TMX4: variants seen among roughly 807,000 people sequenced by gnomAD.
The protein encoded by TMX4 is thioredoxin related transmembrane protein 4.
Under a neutral mutation model 33.3 loss-of-function variants are expected in TMX4, and 23 were observed. That is an observed-to-expected ratio of 0.69 (90% CI 0.50 to 0.98). The LOEUF (loss-of-function observed/expected upper bound fraction) is 0.98. Among genes scored for constraint, TMX4 ranks in the 50% least tolerant of loss-of-function variants. The pLI is 0.00. For synonymous variants in TMX4, 164 were observed against 161.5 expected (o/e 1.02, Z -0.12); for missense variants, 399 against 448.9 (o/e 0.89, Z 1.01).
At chr20:8,015,631 T>C (rs1179933912) in intron 1 of TMX4, among the ~76,000 whole-genome samples, 1 of 152,182 alleles carries the variant, frequency 6.6e-6, no homozygotes, top group Non-Finnish European at 1.5e-5. Flanking sequence ...TAGTGAGTTG[T>C]CTCTCAAACA....
chr20:8,014,547 C>T (rs558185149), intron 1 of TMX4, among the ~76,000 whole-genome samples: 38 of 152,124 alleles, frequency 2.5e-4, no homozygotes, highest in Middle Eastern at 6.8e-3. Context: ...TACTTAAAAG[C>T]TTATAATAGA....
At chr20:8,007,171 A>C (rs1282629566) in intron 2 of TMX4, among the ~76,000 whole-genome samples, 1 of 152,180 alleles carries the variant, frequency 6.6e-6, no homozygotes, top group Non-Finnish European at 1.5e-5. Flanking sequence ...TGCCAAGTAT[A>C]TTGATGGTCC....
At chr20:7,997,339 C>T (rs2050680766) in intron 4 of TMX4, among the ~76,000 whole-genome samples, 1 of 152,058 alleles carries the variant, frequency 6.6e-6, no homozygotes, top group African/African-American at 2.4e-5. Flanking sequence ...ATCGTATGTT[C>T]AATTTGTGAG....
At chr20:7,985,716 T>A (rs1451020548) in intron 6 of TMX4, among the ~76,000 whole-genome samples, 1 of 152,212 alleles carries the variant, frequency 6.6e-6, no homozygotes, top group African/African-American at 2.4e-5. Context: ...TTTTGTTAAA[T>A]AAAGTTATTT....
At chr20:7,991,345 C>G (rs759876604) in intron 5 of TMX4, among the ~76,000 whole-genome samples, 3 of 152,220 alleles carry the variant, frequency 2.0e-5, no homozygotes, top group Non-Finnish European at 4.4e-5. Context: ...CATTTAAATG[C>G]TAAACTTAGT....
intron 4 of TMX4, among the ~76,000 whole-genome samples, chr20:7,998,070 G>T (rs545627112): frequency 1.3e-5 from 2 of 152,142 alleles, no homozygotes; most frequent in East Asian, 3.9e-4. Flanking sequence ...GTTTCCTGAA[G>T]CCTCCCCAGA....
chr20:7,990,838 G>C (rs1162317816), intron 5 of TMX4, among the ~76,000 whole-genome samples: 1 of 152,110 alleles, frequency 6.6e-6, no homozygotes, highest in East Asian at 1.9e-4. Flanking sequence ...GATGGCCAAG[G>C]GTTCACCTCT....
rs750698808 is a variant in TMX4 at position 7,996,074 on chromosome 20, TA to T, written c.468-4del. On this transcript the variant is annotated splice_region_variant and splice_polypyrimidine_tract_variant and intron_variant, in intron 4 of 7. Coordinates refer to ENST00000246024, the MANE Select transcript of TMX4 (RefSeq NM_021156.4). The stretch of plus-strand genomic sequence containing the variant: ...AAAGACCAGCCATTCCAGACATCCT[TA>T]AAAAAAAATAAAGAGAAGAAACAGT... 1.7e-4 allele frequency: 259 copies of T among 1,540,960 alleles called. No individual in the cohort carries two copies. The highest frequency in any genetic ancestry group is 3.9e-4 in the South Asian group (33 of 85,672).
In TMX4 at chr20:8,019,618, G is replaced by A; in HGVS notation, c.-5C>T. ...GCCGCAGCGCCCACCCGCCATGTTG[G>A]GCGCCGAGCGAGGCTTCTCGGCGGG... On this transcript the variant is annotated 5_prime_UTR_variant, in exon 1 of 8. Transcript: ENST00000246024. 1 of 1,339,638 alleles carries A rather than the reference G, an allele frequency of 7.5e-7. No homozygotes were observed. The highest frequency in any genetic ancestry group is 1.5e-5 in the African/African-American group (1 of 64,780). The allele number at this position is 1,339,638 out of a possible 1,614,324, so 83.0% of individuals were successfully genotyped here. A position where few individuals can be genotyped will look rare whatever the true frequency, so the allele number is the denominator to read the frequency against.
intron 1 of TMX4, among the ~76,000 whole-genome samples, chr20:8,011,434 C>A (rs906811033): frequency 6.6e-6 from 1 of 151,054 alleles, no homozygotes. Flanking sequence ...CAAATCCCTT[C>A]AAAATTCTGA....
intron 1 of TMX4, among the ~76,000 whole-genome samples, chr20:8,014,209 A>G (rs1336250669): frequency 6.6e-6 from 1 of 152,248 alleles, no homozygotes; most frequent in African/African-American, 2.4e-5. Flanking sequence ...AGTGGAATTC[A>G]TGACTTTCAC....
chr20:8,011,299 T>C (rs1353278322), intron 1 of TMX4, among the ~76,000 whole-genome samples: 1 of 151,732 alleles, frequency 6.6e-6, no homozygotes, highest in African/African-American at 2.4e-5. Flanking sequence ...TGCCTGCCAA[T>C]AGAATATAAC....
intron 1 of TMX4, 21 bp downstream of exon 1, chr20:8,019,416 CG>C (rs1368616472): frequency 1.3e-6 from 2 of 1,511,334 alleles, no homozygotes; most frequent in Non-Finnish European, 1.8e-6. Flanking sequence ...CTGCGGCGTC[CG>C]GGGCGGGCGG....
chr20:7,978,599 T>C lies in TMX4; in HGVS notation c.*3652A>G, dbSNP rs949680998. On this transcript the variant is annotated 3_prime_UTR_variant, in exon 8 of 8. Coordinates refer to ENST00000246024, the MANE Select transcript of TMX4 (RefSeq NM_021156.4). ...CAAAAGCCAACTCAGCTGAAGCTTA[T>C]CTATTTTCTACTACAGTAGTTATTT... 2.6e-5 allele frequency: 4 copies of C among 152,218 alleles called. No homozygotes were observed. The highest frequency in any genetic ancestry group is 2.9e-5 in the Non-Finnish European group (2 of 68,042). 9.4% of individuals were successfully genotyped at this position (152,218 alleles called of 1,614,324 possible).
chr20:8,010,406 A>C, intron 1 of TMX4, 91 bp from the exon 2 acceptor site: 2 of 811,742 alleles, frequency 2.5e-6, no homozygotes, highest in Non-Finnish European at 3.4e-6. Context: ...AAAATAAATT[A>C]TTAAAAAAGG....
chr20:7,993,734 T>C (rs955262420), intron 5 of TMX4, among the ~76,000 whole-genome samples: 2 of 152,030 alleles, frequency 1.3e-5, no homozygotes, highest in Non-Finnish European at 2.9e-5. Flanking sequence ...GGAGGCTACA[T>C]GCTGATATGG....
At position 7,982,190 on chromosome 20, in the gene TMX4, C is replaced by T; in HGVS notation, c.*61G>A. ...AAAATTAAGGATTTGGTACAAACTG[C>T]AGGCCAAAGGGAAGCTGACATATTG... On this transcript the variant is annotated 3_prime_UTR_variant, in exon 8 of 8. Transcript: ENST00000246024. 6.6e-7 allele frequency: 1 copy of T among 1,521,396 alleles called. No individual in the cohort carries two copies. The highest frequency in any genetic ancestry group is 8.9e-7 in the Non-Finnish European group (1 of 1,129,160). The allele number at this position is 1,521,396 out of a possible 1,614,324, so 94.2% of individuals were successfully genotyped here.
At chr20:8,019,206 C>A in intron 1 of TMX4, 1 of 529,716 alleles carries the variant, frequency 1.9e-6, no homozygotes, top group Non-Finnish European at 3.2e-6. Flanking sequence ...AGCGGCCGGG[C>A]CCCACAGCCG....
chr20:8,010,320 A>G lies in TMX4; in HGVS notation c.177-5T>C. 2 of 1,592,558 alleles carry G rather than the reference A, an allele frequency of 1.3e-6. No individual in the cohort carries two copies. Among genetic ancestry groups the G allele is most frequent in the South Asian group, 2.3e-5 (2 of 88,762 alleles). On this transcript the variant is annotated splice_region_variant and splice_polypyrimidine_tract_variant and intron_variant, in intron 1 of 7. Transcript: ENST00000246024. ...GATGGACACCATGGGGCGTAACTAT[A>G]AGAGAAGAATAAGAATTATATTGAT...
Sources: allele counts gnomAD v4.1 joint callset (sites outside exome capture counted in the v4.1 genomes callset), GRCh38; gene constraint gnomAD v4.1.1; transcripts MANE v1.5; gene names NCBI Gene and HGNC (gene_info 2026-07-23, HGNC 2026-07-21).